The following CORO2B variants were observed in gnomAD, a reference collection of about 807,000 sequenced individuals.
CORO2B encodes the protein coronin-2B.
In CORO2B, 26 loss-of-function variants were observed where a neutral mutation model predicts 58.8. The observed-to-expected ratio is 0.44, with a 90% CI of 0.32 to 0.61. CORO2B has a LOEUF of 0.61. Among genes scored for constraint, CORO2B ranks in the 20% least tolerant of loss-of-function variants. CORO2B has a pLI of 0.04. For synonymous variants in CORO2B, 242 were observed against 253.8 expected, an observed-to-expected ratio of 0.95 and a Z score of 0.44; for missense variants, 460 against 645.1, an observed-to-expected ratio of 0.71 and a Z score of 3.11.
chr15:68,630,744 A>G (rs778647549), intron 1 of CORO2B, among the ~76,000 whole-genome samples: 6 of 152,272 alleles, frequency 3.9e-5, no homozygotes, highest in Non-Finnish European at 8.8e-5. Flanking sequence ...CCACAGTGCC[A>G]TCAAGGACCC....
intron 2 of CORO2B, among the ~76,000 whole-genome samples, chr15:68,688,733 C>A (rs1354609475): frequency 6.6e-6 from 1 of 152,158 alleles, no homozygotes; most frequent in African/African-American, 2.4e-5. Context: ...CCATTGCTGT[C>A]CCTATGATAA....
chr15:68,538,529 C>T, the CORO2B span, among the ~76,000 whole-genome samples: 10 of 152,174 alleles, frequency 6.6e-5, no homozygotes, highest in Non-Finnish European at 1.2e-4. Flanking sequence ...CTGGAGTCTG[C>T]GGTGGCTTCA....
chr15:68,559,812 C>T, the CORO2B span, among the ~76,000 whole-genome samples: 1 of 152,214 alleles, frequency 6.6e-6, no homozygotes, highest in African/African-American at 2.4e-5. The surrounding 1 kb of genome is among the most constrained non-coding windows in gnomAD (Gnocchi z 4.3). Context: ...CTCGGAGCTG[C>T]GGCGCTCCAG....
chr15:68,708,165 T>G lies in CORO2B; in HGVS notation c.334-2567T>G, dbSNP rs372199494. Among the ~76,000 whole-genome samples the G allele has an allele frequency of 4.6e-5, 7 of 152,204 alleles. No individual in the cohort carries two copies. The East Asian group carries it at 7.7e-4, about 17-fold the overall frequency. ...TTGACAGAACTTGCCTTTCTTACCT[T>G]GAAACCTCCCAGTCAACAGCCACAG... On this transcript the variant is annotated intron_variant, in intron 3 of 11. Transcript: ENST00000261861.
At chr15:68,693,437 CCTCCTAGA>C (rs1892434471) in intron 2 of CORO2B, among the ~76,000 whole-genome samples, 1 of 152,190 alleles carries the variant, frequency 6.6e-6, no homozygotes, top group South Asian at 2.1e-4. Context: ...AGCGGTATAA[CCTCCTAGA>C]CTTCCCTCTT....
the CORO2B span, among the ~76,000 whole-genome samples, chr15:68,529,473 CA>C: frequency 6.6e-6 from 1 of 152,138 alleles, no homozygotes; most frequent in Non-Finnish European, 1.5e-5. Flanking sequence ...TACCCTTTAT[CA>C]ATTGGCCATT....
intron 11 of CORO2B, among the ~76,000 whole-genome samples, chr15:68,722,689 C>T (rs1893190731): frequency 6.6e-6 from 1 of 152,132 alleles, no homozygotes; most frequent in South Asian, 2.1e-4. Context: ...GCACGTCATC[C>T]CTCTCAACAG....
At chr15:68,551,557 G>A in the CORO2B span, among the ~76,000 whole-genome samples, 2 of 152,018 alleles carry the variant, frequency 1.3e-5, no homozygotes, top group African/African-American at 4.8e-5. Context: ...CACAGCCCTG[G>A]CCCTAACCAA....
chr15:68,545,884 G>T, the CORO2B span, among the ~76,000 whole-genome samples: 4 of 152,176 alleles, frequency 2.6e-5, no homozygotes, highest in Non-Finnish European at 5.9e-5. Flanking sequence ...GGATAGCTGT[G>T]CCAGGGCCCA....
chr15:68,575,289 G>A (rs183697821), upstream of CORO2B, among the ~76,000 whole-genome samples: 1 of 152,010 alleles, frequency 6.6e-6, no homozygotes, highest in East Asian at 1.9e-4. Context: ...CTGGGGAACT[G>A]AGCCTCACTC....
chr15:68,616,727 T>C (rs1900370172), intron 1 of CORO2B: 2 of 599,202 alleles, frequency 3.3e-6, no homozygotes, highest in Non-Finnish European at 4.2e-6. Context: ...GAGAGCTGGG[T>C]CTTGCCTCTT....
At position 68,665,567 on chromosome 15, in the gene CORO2B, C is replaced by T. The variant is rs141574313; in HGVS notation, c.216+20207C>T. On this transcript the variant is annotated intron_variant, in intron 2 of 11. Coordinates refer to ENST00000261861, the MANE Select transcript of CORO2B (RefSeq NM_006091.5). ...TTGATAAATTAAAGAGAATGTCAAC[C>T]TTATGATGTTGAGTCTAAATATCCA... is the stretch of plus-strand genomic sequence containing the variant. Among the ~76,000 whole-genome samples the T allele has an allele frequency of 1.5e-4, 22 of 151,356 alleles. 1 individual carries two copies. Among genetic ancestry groups the T allele is most frequent in the African/African-American group, 4.8e-4 (20 of 41,356 alleles).
At chr15:68,565,382 T>C in the CORO2B span, among the ~76,000 whole-genome samples, 1 of 151,706 alleles carries the variant, frequency 6.6e-6, no homozygotes, top group Non-Finnish European at 1.5e-5. Flanking sequence ...TATATTCAAG[T>C]GCATATATAT....
At position 68,718,825 on chromosome 15, in the gene CORO2B, G is replaced by T. The variant is rs367904807; in HGVS notation, c.1080+15G>T. 6.2e-7 allele frequency: 1 copy of T among 1,604,890 alleles called. No homozygotes were observed. The highest frequency in any genetic ancestry group is 1.1e-5 in the South Asian group (1 of 90,804). Reference sequence around the variant, plus strand: ...TGCCCCGGAGGGTAAGTGGGGCTGGGCTGGGCTCCAGGAGGGGGGCCTGCA... The same window carrying T: ...TGCCCCGGAGGGTAAGTGGGGCTGGTCTGGGCTCCAGGAGGGGGGCCTGCA... On this transcript the variant is annotated intron_variant, in intron 9 of 11. Transcript: ENST00000261861.
intron 2 of CORO2B, among the ~76,000 whole-genome samples, chr15:68,664,742 A>T (rs1055183799): frequency 1.3e-5 from 2 of 152,228 alleles, no homozygotes; most frequent in Non-Finnish European, 2.9e-5. Flanking sequence ...TTGTCAGAGT[A>T]GTTTCAATTA....
chr15:68,662,865 A>G (rs1444222486), intron 2 of CORO2B, among the ~76,000 whole-genome samples: 1 of 152,272 alleles, frequency 6.6e-6, no homozygotes, highest in East Asian at 1.9e-4. Flanking sequence ...ATTTTATGCC[A>G]GTAAATGATA....
the CORO2B span, among the ~76,000 whole-genome samples, chr15:68,540,970 C>T: frequency 6.6e-6 from 1 of 152,214 alleles, no homozygotes; most frequent in Non-Finnish European, 1.5e-5. Context: ...TGACTCACAC[C>T]TGTAATCCCA....
chr15:68,530,315 A>T, the CORO2B span, among the ~76,000 whole-genome samples: 5 of 152,140 alleles, frequency 3.3e-5, no homozygotes, highest in African/African-American at 1.2e-4. Context: ...ACAGAGTGAG[A>T]CTCTGTCTCA....
At position 68,645,784 on chromosome 15, in the gene CORO2B, T is replaced by A. The variant is rs1901405061; in HGVS notation, c.216+424T>A. On this transcript the variant is annotated intron_variant, in intron 2 of 11. Transcript: ENST00000261861. The surrounding 1 kb of genome is among the most constrained non-coding windows in gnomAD (Gnocchi z 4.5). ...GCATCTGCAAAAATTATACAATTTT[T>A]TTTTTTTGAGATGGAGTCTTGCTCT... 6.6e-6 allele frequency among the ~76,000 whole-genome samples: 1 copy of A among 152,168 alleles called. No homozygotes were observed. Among genetic ancestry groups the A allele is most frequent in the African/African-American group, 2.4e-5 (1 of 41,432 alleles).
Sources: allele counts gnomAD v4.1 joint callset (sites outside exome capture counted in the v4.1 genomes callset), GRCh38; gene constraint gnomAD v4.1.1; non-coding constraint Gnocchi (gnomAD v3.1); transcripts MANE v1.5; gene names NCBI Gene and HGNC (gene_info 2026-07-23, HGNC 2026-07-21).